Variants in EPM2A observed in about 807,000 individuals in gnomAD.
EPM2A encodes the protein laforin.
EPM2A carries 21 observed loss-of-function variants against 26.5 expected under a neutral mutation model. The observed-to-expected ratio is 0.79, with a 90% CI of 0.56 to 1.14. EPM2A has a LOEUF of 1.14. Among genes scored for constraint, EPM2A ranks in the 50% most tolerant of loss-of-function variants. The probability of loss-of-function intolerance (pLI) is 0.00; values close to 1 mark genes in which losing one functional copy is unlikely to be tolerated. For missense variants in EPM2A, 458 were observed against 440.8 expected (o/e 1.04, Z -0.35); for synonymous variants, 217 against 177.6 (o/e 1.22, Z -1.76).
At chr6:145,496,732 T>G (rs1329590162), downstream of EPM2A, among the ~76,000 whole-genome samples, 5 of 121,586 alleles carry the variant, frequency 4.1e-5, 1 homozygote, top group South Asian at 1.4e-3. Flanking sequence ...CCTGCAATTT[T>G]TTTTTTTTTT....
intron 2 of EPM2A, among the ~76,000 whole-genome samples, chr6:145,527,580 TGCTATTTAAGAATA>T (rs1780293484): frequency 6.6e-6 from 1 of 152,138 alleles, no homozygotes; most frequent in Admixed American, 6.6e-5. Flanking sequence ...GTCTTTTGGT[TGCTATTTAAGAATA>T]GCATCCTCTG....
At chr6:145,719,138 T>C (rs1336956410) in intron 1 of EPM2A, among the ~76,000 whole-genome samples, 13 of 151,872 alleles carry the variant, frequency 8.6e-5, no homozygotes, top group South Asian at 6.3e-4. Context: ...ACCCAAAGGA[T>C]TATAAATCAT....
chr6:145,734,683 T>TA (rs1776718405), intron 1 of EPM2A: 1 of 151,656 alleles, frequency 6.6e-6, no homozygotes, highest in Non-Finnish European at 1.5e-5. Context: ...TCGTTTTGGG[T>TA]TTTTTTTAGT....
At chr6:145,552,451 G>A (rs1369251373) in intron 2 of EPM2A, among the ~76,000 whole-genome samples, 1 of 151,986 alleles carries the variant, frequency 6.6e-6, no homozygotes, top group Non-Finnish European at 1.5e-5. Flanking sequence ...TAGACTTACA[G>A]AAAATCACCG....
At chr6:145,425,010 A>G (rs530399047) in intron 4 of EPM2A, among the ~76,000 whole-genome samples, 3 of 152,272 alleles carry the variant, frequency 2.0e-5, no homozygotes, top group African/African-American at 7.2e-5. Context: ...TACGTACTGT[A>G]TATAAAAGGC....
At chr6:145,723,266 A>C (rs940491748) in intron 1 of EPM2A, among the ~76,000 whole-genome samples, 1 of 152,172 alleles carries the variant, frequency 6.6e-6, no homozygotes, top group Non-Finnish European at 1.5e-5. Flanking sequence ...ATTAAAATCT[A>C]AGAATATAAA....
At chr6:145,620,990 T>C (rs1291709883), downstream of EPM2A, among the ~76,000 whole-genome samples, 1 of 152,236 alleles carries the variant, frequency 6.6e-6, no homozygotes, top group Non-Finnish European at 1.5e-5. Context: ...AAATTTCAAG[T>C]ATACAATACA....
chr6:145,387,874 G>C (rs1451977387), intron 4 of EPM2A, among the ~76,000 whole-genome samples: 1 of 151,958 alleles, frequency 6.6e-6, no homozygotes, highest in Non-Finnish European at 1.5e-5. Flanking sequence ...GAGCAGGGGA[G>C]ACTGTGATAG....
rs528444821 is a variant in EPM2A, at chr6:145,613,540, C to T, written c.340+21705G>A. On this transcript the variant is annotated intron_variant, in intron 2 of 3. Transcript: ENST00000450221. Reference sequence around the variant, plus strand: ...AGAGGAATCACTATGGAAGTTACAGCTTTTTGAAATATTCCTTAAATAATA... The same window carrying T: ...AGAGGAATCACTATGGAAGTTACAGTTTTTTGAAATATTCCTTAAATAATA... 5.9e-5 allele frequency among the ~76,000 whole-genome samples: 9 copies of T among 152,282 alleles called. No homozygotes were observed. In the South Asian group the frequency reaches 1.7e-3, roughly 28 times the overall value.
chr6:145,490,267 C>A, intron 4 of EPM2A: 1 of 1,426,494 alleles, frequency 7.0e-7, no homozygotes, highest in East Asian at 2.3e-5. Context: ...TGGGTTTACA[C>A]CCAGTGTGTA....
In EPM2A at chr6:145,489,846, T is replaced by C. The variant is rs895401663; in HGVS notation, c.555+12676A>G. On this transcript the variant is annotated intron_variant, in intron 4 of 4. Coordinates refer to the EPM2A transcript ENST00000638717. Reference sequence around the variant, plus strand: ...CTAGAAGTTCAGTTTGTACTTCCACTGGCACCTGATTTATCCATTCAAAGT... The same window carrying C: ...CTAGAAGTTCAGTTTGTACTTCCACCGGCACCTGATTTATCCATTCAAAGT... 37 of 1,445,246 alleles carry C rather than the reference T, an allele frequency of 2.6e-5. No homozygotes were observed. In the African/African-American group the frequency reaches 4.8e-4, roughly 19 times the overall value. The allele number at this position is 1,445,246 out of a possible 1,614,324, so 89.5% of individuals were successfully genotyped here.
chr6:145,448,175 A>T (rs567463123), intron 4 of EPM2A, among the ~76,000 whole-genome samples: 1 of 152,274 alleles, frequency 6.6e-6, no homozygotes, highest in South Asian at 2.1e-4. Context: ...ATTATTTTCC[A>T]TTCCATTTTT....
chr6:145,446,291 G>T (rs2114705024), intron 4 of EPM2A, among the ~76,000 whole-genome samples: 1 of 152,250 alleles, frequency 6.6e-6, no homozygotes, highest in Non-Finnish European at 1.5e-5. Flanking sequence ...ATGCTATGTA[G>T]CAAAAGTAAC....
chr6:145,512,357 G>A (rs1249211286), intron 2 of EPM2A, among the ~76,000 whole-genome samples: 1 of 151,950 alleles, frequency 6.6e-6, no homozygotes, highest in Non-Finnish European at 1.5e-5. Context: ...TATACTACAA[G>A]GCTACAGCAA....
intron 4 of EPM2A, among the ~76,000 whole-genome samples, chr6:145,434,937 G>A (rs1312140866): frequency 6.6e-6 from 1 of 152,062 alleles, no homozygotes; most frequent in African/African-American, 2.4e-5. Flanking sequence ...AAGATAATAA[G>A]TTCTTATGAG....
intron 2 of EPM2A, among the ~76,000 whole-genome samples, chr6:145,594,801 G>C (rs1445043529): frequency 1.3e-5 from 2 of 151,528 alleles, no homozygotes; most frequent in Admixed American, 6.6e-5. Context: ...ATTTAGGACA[G>C]CTATTTAAGC....
intron 4 of EPM2A, among the ~76,000 whole-genome samples, chr6:145,422,825 T>C (rs974741983): frequency 6.6e-6 from 1 of 152,152 alleles, no homozygotes. Context: ...GAAGCCACAA[T>C]TAATCAACAA....
chr6:145,604,297 A>G (rs1324757685), intron 2 of EPM2A, among the ~76,000 whole-genome samples: 1 of 152,150 alleles, frequency 6.6e-6, no homozygotes, highest in African/African-American at 2.4e-5. Context: ...ATTACCATAT[A>G]CAAAGATCTG....
intron 4 of EPM2A, among the ~76,000 whole-genome samples, chr6:145,395,225 A>T (rs1778389164): frequency 6.6e-6 from 1 of 152,110 alleles, no homozygotes; most frequent in Admixed American, 6.6e-5. Context: ...TATATGCTTT[A>T]CTTAAAGTTT....
Sources: gnomAD v4.1 joint callset for allele counts (sites outside exome capture counted in the v4.1 genomes callset) on GRCh38, gnomAD v4.1.1 for gene constraint, MANE v1.5 for transcripts, NCBI Gene and HGNC (gene_info 2026-07-23, HGNC 2026-07-21) for gene names.